GNAS-AS1: variants seen among roughly 807,000 people sequenced by gnomAD.
GNAS-AS1 encodes the protein GNAS antisense RNA 1 (non-protein coding).
intron 4 of GNAS-AS1, chr20:58,839,745 C>G (rs1056143210): frequency 9.6e-6 from 5 of 521,300 alleles, no homozygotes; most frequent in Non-Finnish European, 1.7e-5. Context: ...CCCTCCTCGC[C>G]TCAGTCTCCT....
chr20:58,837,417 A>G (rs914252182), intron 4 of GNAS-AS1, among the ~76,000 whole-genome samples: 1 of 152,196 alleles, frequency 6.6e-6, no homozygotes, highest in African/African-American at 2.4e-5. Context: ...GGCACCTGTG[A>G]TAATAAAACC....
intron 2 of GNAS-AS1, among the ~76,000 whole-genome samples, chr20:58,845,616 C>G (rs1310759315): frequency 6.6e-6 from 1 of 152,042 alleles, no homozygotes; most frequent in African/African-American, 2.4e-5. Context: ...TCTTACATAT[C>G]AAAAGGCCAT....
rs1477576082 is a variant in GNAS-AS1, at chr20:58,828,928, G to A, written n.820-9673C>T. ...ACATGGCAGAGCTCCTGGCCCCACC[G>A]CCCCACTCAACATGGCAGAGCTCCT... On this transcript the variant is annotated intron_variant and non_coding_transcript_variant, in intron 4 of 4. Coordinates refer to ENST00000424094, the Ensembl canonical transcript of GNAS-AS1. Among the ~76,000 whole-genome samples the A allele has an allele frequency of 2.4e-4, 14 of 57,192 alleles. 1 individual carries two copies. In the South Asian group the frequency reaches 4.3e-3, roughly 17 times the overall value. The allele number at this position is 57,192 out of a possible 152,430, so 37.5% of individuals were successfully genotyped here. A position where few individuals can be genotyped will look rare whatever the true frequency, so the allele number is the denominator to read the frequency against.
chr20:58,822,748 T>C (rs146401443), intron 4 of GNAS-AS1, among the ~76,000 whole-genome samples: 24 of 152,026 alleles, frequency 1.6e-4, no homozygotes, highest in Non-Finnish European at 2.6e-4. Flanking sequence ...GCCCCTTCCC[T>C]GAAGTCAGGA....
At chr20:58,830,260 A>ACAC (rs1163276877) in intron 4 of GNAS-AS1, among the ~76,000 whole-genome samples, 1,757 of 54,188 alleles carry the variant, frequency 0.032, 55 homozygotes, top group African/African-American at 0.067. Context: ...CATCAACGCC[A>ACAC]CACCATCACC....
intron 4 of GNAS-AS1, among the ~76,000 whole-genome samples, chr20:58,822,204 G>A (rs1037977121): frequency 2.6e-5 from 4 of 152,176 alleles, no homozygotes; most frequent in East Asian, 1.9e-4. Flanking sequence ...AGGAGGCCCC[G>A]GCCAGAACTC....
intron 4 of GNAS-AS1, among the ~76,000 whole-genome samples, chr20:58,832,447 G>C (rs1215182665): frequency 6.6e-6 from 1 of 152,150 alleles, no homozygotes; most frequent in East Asian, 1.9e-4. Flanking sequence ...TATAAAACTT[G>C]ATAAAAATGG....
chr20:58,830,280 ACACCACCATCACCACCACCAT>A (rs2085548460), intron 4 of GNAS-AS1, among the ~76,000 whole-genome samples: 1 of 135,142 alleles, frequency 7.4e-6, no homozygotes, highest in Non-Finnish European at 1.6e-5. Context: ...CACCACCGCC[ACACCACCATCACCACCACCAT>A]CACCACCACC....
chr20:58,845,577 T>A (rs554867750), intron 2 of GNAS-AS1, among the ~76,000 whole-genome samples: 2 of 152,232 alleles, frequency 1.3e-5, no homozygotes, highest in East Asian at 3.9e-4. Context: ...TTAAGTGATG[T>A]AGCACCCATT....
chr20:58,840,348 A>T lies in GNAS-AS1; in HGVS notation n.819+1589T>A, dbSNP rs2085670184. On this transcript the variant is annotated intron_variant and non_coding_transcript_variant, in intron 4 of 4. Transcript: ENST00000424094. This position sits in a 1 kb window ranked among gnomAD's most constrained non-coding sequence, Gnocchi z 6.0. ...GCCCAGGTATTCCCTGAGTCCCCCGAATCGGAATCTGACCACGAGCACGAG... is the reference window on the plus strand; with the variant it reads ...GCCCAGGTATTCCCTGAGTCCCCCGTATCGGAATCTGACCACGAGCACGAG... 2 of 1,613,086 alleles carry T rather than the reference A, an allele frequency of 1.2e-6. No homozygotes were observed. The highest frequency in any genetic ancestry group is 1.7e-6 in the Non-Finnish European group (2 of 1,179,970).
chr20:58,820,141 G>A (rs2085476109), intron 4 of GNAS-AS1, among the ~76,000 whole-genome samples: 1 of 152,254 alleles, frequency 6.6e-6, no homozygotes, highest in South Asian at 2.1e-4. Flanking sequence ...TCACGGTGTT[G>A]ATGGTGTGCG....
chr20:58,823,410 A>C (rs1409794323), intron 4 of GNAS-AS1, among the ~76,000 whole-genome samples: 1 of 152,116 alleles, frequency 6.6e-6, no homozygotes, highest in African/African-American at 2.4e-5. Flanking sequence ...CTACAAGGAG[A>C]AGGCTGGCAG....
intron 4 of GNAS-AS1, among the ~76,000 whole-genome samples, chr20:58,823,752 T>C (rs1398746923): frequency 1.3e-5 from 2 of 152,160 alleles, no homozygotes; most frequent in African/African-American, 2.4e-5. Context: ...GACTTGGCAA[T>C]GGGGGAAATC....
Position 58,840,132 on chromosome 20 carries a change from A to C in GNAS-AS1, n.819+1805T>G. On this transcript the variant is annotated intron_variant and non_coding_transcript_variant, in intron 4 of 4. Transcript: ENST00000424094. The surrounding 1 kb of genome is among the most constrained non-coding windows in gnomAD (Gnocchi z 6.0). ...ATGGATCGGAGGTCCCGGGCTCAGCAGTGGCGCCGAGCTCGCCATAATTAC... is the reference window on the plus strand; with the variant it reads ...ATGGATCGGAGGTCCCGGGCTCAGCCGTGGCGCCGAGCTCGCCATAATTAC... 1 of 1,611,450 alleles carries C rather than the reference A, an allele frequency of 6.2e-7. No individual in the cohort carries two copies. The highest frequency in any genetic ancestry group is 8.5e-7 in the Non-Finnish European group (1 of 1,179,946).
At chr20:58,826,867 T>TTTTTTTTTTTTTTTTG (rs2085524705) in intron 4 of GNAS-AS1, 1 of 136,464 alleles carries the variant, frequency 7.3e-6, no homozygotes, top group Admixed American at 7.3e-5. Context: ...GCCTGGCTTT[T>TTTTTTTTTTTTTTTTG]TTTTTTTTTT....
chr20:58,844,230 G>A (rs934746093), intron 2 of GNAS-AS1, among the ~76,000 whole-genome samples: 1 of 152,152 alleles, frequency 6.6e-6, no homozygotes, highest in African/African-American at 2.4e-5. Flanking sequence ...CTGCTTACCT[G>A]GAAGGTGACC....
Position 58,840,857 on chromosome 20 carries a change from T to C in GNAS-AS1, n.819+1080A>G, listed in dbSNP as rs1205141340. 2 of 1,612,680 alleles carry C rather than the reference T, an allele frequency of 1.2e-6. No homozygotes were observed. The highest frequency in any genetic ancestry group is 1.7e-6 in the Non-Finnish European group (2 of 1,179,912). On this transcript the variant is annotated intron_variant and non_coding_transcript_variant, in intron 4 of 4. Transcript: ENST00000424094. The surrounding 1 kb of genome is among the most constrained non-coding windows in gnomAD (Gnocchi z 6.0). ...CCGGCGTCACTAATGGAGGACGCCG[T>C]CCAGATTCTCCTTGTTTTCATGGAT...
chr20:58,840,972 C>G lies in GNAS-AS1; in HGVS notation n.819+965G>C. ...AAGGAGGTGAGAAGGAAAGGCAGGT[C>G]AGGGGCGAGTGGGAAGAGAGGAGGC... On this transcript the variant is annotated intron_variant and non_coding_transcript_variant, in intron 4 of 4. Coordinates refer to ENST00000424094, the Ensembl canonical transcript of GNAS-AS1. The surrounding 1 kb of genome is among the most constrained non-coding windows in gnomAD (Gnocchi z 6.0). 7.1e-7 allele frequency: 1 copy of G among 1,418,036 alleles called. No individual in the cohort carries two copies. Among genetic ancestry groups the G allele is most frequent in the Non-Finnish European group, 9.8e-7 (1 of 1,024,036 alleles). 87.8% of individuals were successfully genotyped at this position (1,418,036 alleles called of 1,614,324 possible).
intron 4 of GNAS-AS1, chr20:58,839,108 G>A (rs1229590091): frequency 2.5e-6 from 1 of 398,318 alleles, no homozygotes; most frequent in Non-Finnish European, 4.4e-6. Context: ...CAGCTCAATC[G>A]AGCTCAGGGC....
Sources: allele counts gnomAD v4.1 joint callset (sites outside exome capture counted in the v4.1 genomes callset), GRCh38; gene constraint gnomAD v4.1.1; non-coding constraint Gnocchi (gnomAD v3.1); transcripts MANE v1.5; gene names NCBI Gene and HGNC (gene_info 2026-07-23, HGNC 2026-07-21).